Variants in WDR7 observed in about 807,000 individuals in gnomAD.
WDR7 encodes WD repeat domain 7.
WDR7 carries 46 observed loss-of-function variants against 169.4 expected under a neutral mutation model. The observed-to-expected ratio is 0.27, with a 90% CI of 0.21 to 0.35. The LOEUF (loss-of-function observed/expected upper bound fraction) is 0.35. Among genes scored for constraint, WDR7 ranks in the 10% least tolerant of loss-of-function variants. The pLI is 1.00. For missense variants in WDR7, 1,534 were observed against 1,859.3 expected (o/e 0.83, Z 3.22); for synonymous variants, 612 against 666.8 (o/e 0.92, Z 1.27).
At chr18:56,693,696 C>T (rs990172897) in intron 9 of WDR7, among the ~76,000 whole-genome samples, 2 of 150,080 alleles carry the variant, frequency 1.3e-5, no homozygotes, top group African/African-American at 2.5e-5. Flanking sequence ...CTCAGCCTCC[C>T]GAGTAGCTGG....
chr18:56,947,957 A>G (rs763810109), intron 25 of WDR7, among the ~76,000 whole-genome samples: 2 of 152,256 alleles, frequency 1.3e-5, no homozygotes, highest in Non-Finnish European at 2.9e-5. Flanking sequence ...TACAAATATA[A>G]TGTACTTTGT....
At chr18:56,730,269 T>A (rs978142179) in intron 13 of WDR7, among the ~76,000 whole-genome samples, 11 of 152,106 alleles carry the variant, frequency 7.2e-5, no homozygotes, top group Non-Finnish European at 1.5e-5. Flanking sequence ...TTCTCTGGTG[T>A]TCGTGTTATG....
At chr18:56,932,493 A>T (rs1438681146) in intron 22 of WDR7, among the ~76,000 whole-genome samples, 1 of 152,178 alleles carries the variant, frequency 6.6e-6, no homozygotes, top group African/African-American at 2.4e-5. Context: ...GACATGGGGG[A>T]AGGATGACGT....
rs141945718 is a variant in WDR7 at position 56,865,931 on chromosome 18, A to G, written c.3305-14013A>G. Among the ~76,000 whole-genome samples, 536 of 152,256 alleles carry G rather than the reference A, an allele frequency of 3.5e-3. 5 individuals carry two copies. Among genetic ancestry groups the G allele is most frequent in the African/African-American group, 0.012 (510 of 41,558 alleles). ...AAAACTTTTTTTAAGACTTTTTTCT[A>G]ATTATAAATTTTGCTTGCTTATTAT... On this transcript the variant is annotated intron_variant, in intron 20 of 27. Coordinates refer to ENST00000254442, the MANE Select transcript of WDR7 (RefSeq NM_015285.3).
intron 20 of WDR7, among the ~76,000 whole-genome samples, chr18:56,856,450 C>T (rs2045722884): frequency 1.3e-5 from 2 of 152,108 alleles, no homozygotes; most frequent in Non-Finnish European, 2.9e-5. Context: ...ACAAGAATTG[C>T]TTGAACTGGG....
Position 56,682,704 on chromosome 18 carries a change from A to C in WDR7, c.371A>C (p.Gln124Pro). ...IQFYQFSVGNQREGRLLCHGH... is the reference protein window; with the variant it reads ...IQFYQFSVGNPREGRLLCHGH... ...TTCTACCAGTTCTCTGTTGGGAATCAGCGAGAAGGAAGGCTTTTATGCCAC... is the reference window on the plus strand; with the variant it reads ...TTCTACCAGTTCTCTGTTGGGAATCCGCGAGAAGGAAGGCTTTTATGCCAC... Residue 124 changes from glutamine (Q) to proline (P), a missense_variant, in exon 5 of 28, where the codon CAG becomes CCG. Gln to Pro is a moderately conservative substitution (Grantham distance 76). Coordinates refer to ENST00000254442, the MANE Select transcript of WDR7 (RefSeq NM_015285.3). 6.2e-7 allele frequency: 1 copy of C among 1,613,588 alleles called. No individual in the cohort carries two copies. Among genetic ancestry groups the C allele is most frequent in the Non-Finnish European group, 8.5e-7 (1 of 1,179,710 alleles).
chr18:56,902,915 C>T (rs767422360), intron 21 of WDR7, among the ~76,000 whole-genome samples: 3 of 152,094 alleles, frequency 2.0e-5, no homozygotes, highest in East Asian at 1.9e-4. Flanking sequence ...CTCAAAAATG[C>T]GTTTTATGTC....
chr18:56,926,506 A>G (rs886683145), intron 22 of WDR7, among the ~76,000 whole-genome samples: 2 of 152,170 alleles, frequency 1.3e-5, no homozygotes, highest in African/African-American at 2.4e-5. Context: ...CAGGGTTAGT[A>G]TTTAATATTT....
chr18:56,836,116 T>G (rs1248189914), intron 20 of WDR7, among the ~76,000 whole-genome samples: 3 of 152,228 alleles, frequency 2.0e-5, no homozygotes, highest in Admixed American at 6.5e-5. Flanking sequence ...TGTAAACTAT[T>G]TACAATGTTT....
chr18:56,852,383 T>C (rs1483621220), intron 20 of WDR7, among the ~76,000 whole-genome samples: 1 of 152,186 alleles, frequency 6.6e-6, no homozygotes, highest in Non-Finnish European at 1.5e-5. Context: ...TATAATGATA[T>C]CAGAACAACC....
At chr18:56,876,562 C>T (rs1267439927) in intron 20 of WDR7, among the ~76,000 whole-genome samples, 6 of 152,126 alleles carry the variant, frequency 3.9e-5, no homozygotes, top group Admixed American at 3.3e-4. Context: ...ACTTACAATA[C>T]ATCATGAATA....
chr18:56,654,366 G>A (rs953964623), intron 1 of WDR7, among the ~76,000 whole-genome samples: 4 of 152,176 alleles, frequency 2.6e-5, no homozygotes, highest in African/African-American at 7.2e-5. Flanking sequence ...TCTTGACCTT[G>A]TGATCTGCCT....
At chr18:56,861,710 A>G (rs1417368299) in intron 20 of WDR7, among the ~76,000 whole-genome samples, 1 of 152,048 alleles carries the variant, frequency 6.6e-6, no homozygotes, top group Non-Finnish European at 1.5e-5. Flanking sequence ...TGTATTTGTC[A>G]CTTTAGGAGT....
intron 13 of WDR7, among the ~76,000 whole-genome samples, chr18:56,724,932 C>T (rs1387843398): frequency 6.6e-6 from 1 of 152,058 alleles, no homozygotes; most frequent in Non-Finnish European, 1.5e-5. Context: ...CGATAGTTTG[C>T]TGAGAATGAT....
chr18:56,857,438 T>C (rs2045738469), intron 20 of WDR7, among the ~76,000 whole-genome samples: 2 of 152,020 alleles, frequency 1.3e-5, no homozygotes, highest in South Asian at 4.1e-4. Flanking sequence ...TTTGTATTTT[T>C]TGTAGAGATT....
rs186139621 is a variant in WDR7 at position 57,009,297 on chromosome 18, A to C, written c.4165-11448A>C. On this transcript the variant is annotated intron_variant, in intron 26 of 27. Coordinates refer to ENST00000254442, the MANE Select transcript of WDR7 (RefSeq NM_015285.3). ...TTTACTATTAAAATTGTATTGGGAAAAGTAAAAATGTGAAAGGAGCTTTAA... is the reference window on the plus strand; with the variant it reads ...TTTACTATTAAAATTGTATTGGGAACAGTAAAAATGTGAAAGGAGCTTTAA... Among the ~76,000 whole-genome samples the C allele has an allele frequency of 2.6e-4, 39 of 152,332 alleles. No individual in the cohort carries two copies. In the East Asian group the frequency reaches 7.5e-3, roughly 29 times the overall value.
chr18:56,713,533 A>G (rs1262198236), intron 12 of WDR7, among the ~76,000 whole-genome samples: 3 of 152,218 alleles, frequency 2.0e-5, no homozygotes, highest in Non-Finnish European at 2.9e-5. Context: ...ATATTTTTCA[A>G]ATAAGTTTAA....
intron 20 of WDR7, among the ~76,000 whole-genome samples, chr18:56,836,449 A>G (rs988126353): frequency 6.6e-6 from 1 of 152,066 alleles, no homozygotes; most frequent in African/African-American, 2.4e-5. Flanking sequence ...TGATTCCTTC[A>G]CCAGCCAGTC....
intron 13 of WDR7, among the ~76,000 whole-genome samples, chr18:56,727,891 T>G (rs2026495592): frequency 6.6e-6 from 1 of 152,206 alleles, no homozygotes; most frequent in African/African-American, 2.4e-5. Flanking sequence ...TTTCCAGTTG[T>G]TCCACTACAG....
Sources: gnomAD v4.1 joint callset for allele counts (sites outside exome capture counted in the v4.1 genomes callset) on GRCh38, gnomAD v4.1.1 for gene constraint, MANE v1.5 for transcripts, NCBI Gene and HGNC (gene_info 2026-07-23, HGNC 2026-07-21) for gene names.